Variants in LARGE1 observed in about 807,000 individuals in gnomAD.
The protein encoded by LARGE1 is LARGE xylosyl- and glucuronyltransferase 1, also known as xylosyl- and glucuronyltransferase LARGE1.
Under a neutral mutation model 87.6 loss-of-function variants are expected in LARGE1, and 43 were observed. The ratio of observed to expected loss-of-function variants is 0.49; its 90% CI spans 0.38 to 0.63. The LOEUF (loss-of-function observed/expected upper bound fraction) is 0.63, where lower values mean the gene tolerates loss of function less well. Among genes scored for constraint, LARGE1 ranks in the 30% least tolerant of loss-of-function variants. LARGE1 has a pLI of 0.00. For missense variants in LARGE1, 802 were observed against 1,000.2 expected (o/e 0.80, Z 2.67); for synonymous variants, 434 against 394.6 (o/e 1.10, Z -1.18).
chr22:33,400,495 G>A (rs1415920451), intron 7 of LARGE1, among the ~76,000 whole-genome samples: 1 of 152,160 alleles, frequency 6.6e-6, no homozygotes, highest in Non-Finnish European at 1.5e-5. Flanking sequence ...CAGTTTGTTG[G>A]ATGGTATGGA....
intron 11 of LARGE1, among the ~76,000 whole-genome samples, chr22:33,311,324 TAGA>T (rs1289131665): frequency 6.6e-6 from 1 of 152,208 alleles, no homozygotes; most frequent in African/African-American, 2.4e-5. Context: ...CCACTGGCAA[TAGA>T]AGGAGGCACT....
At chr22:33,525,616 G>C (rs1259028872) in intron 6 of LARGE1, among the ~76,000 whole-genome samples, 3 of 151,910 alleles carry the variant, frequency 2.0e-5, no homozygotes, top group African/African-American at 7.3e-5. Context: ...CTGTTCCTAG[G>C]TGACCCGTAA....
At chr22:33,290,717 G>A (rs1932382449) in intron 12 of LARGE1, among the ~76,000 whole-genome samples, 2 of 152,172 alleles carry the variant, frequency 1.3e-5, no homozygotes, top group Admixed American at 6.5e-5. Flanking sequence ...AGTCAAGTAG[G>A]TGGGTGTGAG....
At chr22:33,674,591 C>A (rs924922513) in intron 2 of LARGE1, among the ~76,000 whole-genome samples, 3 of 152,162 alleles carry the variant, frequency 2.0e-5, no homozygotes, top group Non-Finnish European at 4.4e-5. Context: ...TCTCAGTGCC[C>A]CAGGTATGGC....
chr22:33,900,007 G>A (rs1445789493), intron 1 of LARGE1, among the ~76,000 whole-genome samples: 1 of 152,176 alleles, frequency 6.6e-6, no homozygotes, highest in African/African-American at 2.4e-5. Context: ...TTATTAGGAA[G>A]AAACAAAAGA....
the LARGE1 span, among the ~76,000 whole-genome samples, chr22:33,124,180 G>A: frequency 1.6e-4 from 24 of 152,002 alleles, no homozygotes; most frequent in South Asian, 4.4e-3. Flanking sequence ...TCAGCTACTC[G>A]AGCGGCTGAG....
At chr22:33,813,311 G>A (rs2086555639) in intron 1 of LARGE1, among the ~76,000 whole-genome samples, 1 of 150,970 alleles carries the variant, frequency 6.6e-6, no homozygotes, top group Non-Finnish European at 1.5e-5. Context: ...CCCCAGGCAA[G>A]ACTGTCAAGC....
At chr22:33,670,792 C>T (rs984362681) in intron 2 of LARGE1, among the ~76,000 whole-genome samples, 6 of 152,212 alleles carry the variant, frequency 3.9e-5, no homozygotes, top group Admixed American at 6.5e-5. Context: ...CAGGTCCATA[C>T]ATCCCATAAG....
intron 6 of LARGE1, among the ~76,000 whole-genome samples, chr22:33,468,800 C>T (rs1197665084): frequency 3.3e-5 from 5 of 152,138 alleles, no homozygotes; most frequent in Non-Finnish European, 5.9e-5. Context: ...CTGTTATTTT[C>T]ATCACACAAA....
At chr22:33,888,466 T>TAATAAA (rs2064918195) in intron 1 of LARGE1, among the ~76,000 whole-genome samples, 1 of 152,108 alleles carries the variant, frequency 6.6e-6, no homozygotes, top group South Asian at 2.1e-4. Flanking sequence ...ACAACTGTAC[T>TAATAAA]AATAAAGCTC....
At chr22:33,665,749 G>A (rs755172485) in intron 2 of LARGE1, among the ~76,000 whole-genome samples, 4 of 151,980 alleles carry the variant, frequency 2.6e-5, no homozygotes, top group Middle Eastern at 3.2e-3. Context: ...AAACTTAGCC[G>A]GGCATGGTGG....
At chr22:33,527,084 C>T (rs1001146842) in intron 6 of LARGE1, among the ~76,000 whole-genome samples, 7 of 152,128 alleles carry the variant, frequency 4.6e-5, no homozygotes, top group Admixed American at 6.6e-5. Flanking sequence ...TGGAGAAATC[C>T]CATCTTTACT....
chr22:33,738,770 A>G (rs978968209), intron 2 of LARGE1, among the ~76,000 whole-genome samples: 1 of 150,824 alleles, frequency 6.6e-6, no homozygotes, highest in Non-Finnish European at 1.5e-5. Flanking sequence ...GTGTGAACCT[A>G]GGAGGCGGAG....
At chr22:33,413,208 CT>C (rs2147469248) in intron 7 of LARGE1, among the ~76,000 whole-genome samples, 1 of 152,240 alleles carries the variant, frequency 6.6e-6, no homozygotes, top group Non-Finnish European at 1.5e-5. Context: ...TCACTAGTAA[CT>C]GGCAATGTCT....
the LARGE1 span, among the ~76,000 whole-genome samples, chr22:33,122,225 G>T: frequency 6.6e-6 from 1 of 152,126 alleles, no homozygotes; most frequent in African/African-American, 2.4e-5. Context: ...CTGCATTCAA[G>T]ATCTTAGGAA....
At chr22:33,166,767 A>G (rs996474803) in exon 12 of LARGE1, 1 of 471,430 alleles carries the variant, frequency 2.1e-6, no homozygotes, top group African/African-American at 2.0e-5. Context: ...GGACAATTAT[A>G]GGCATGTGTT....
chr22:33,085,145 G>A, the LARGE1 span, among the ~76,000 whole-genome samples: 3 of 152,060 alleles, frequency 2.0e-5, no homozygotes, highest in East Asian at 1.9e-4. Context: ...GTGTGGTGGC[G>A]GGCACCTGTA....
chr22:33,915,442 A>C (rs1038451922), intron 1 of LARGE1, among the ~76,000 whole-genome samples: 1 of 151,482 alleles, frequency 6.6e-6, no homozygotes, highest in African/African-American at 2.4e-5. Context: ...TTTTTTTTTC[A>C]TATTATATCA....
At chr22:33,443,836 C>A (rs1367952726) in intron 6 of LARGE1, among the ~76,000 whole-genome samples, 1 of 152,260 alleles carries the variant, frequency 6.6e-6, no homozygotes. Flanking sequence ...GCTAGGCTCT[C>A]TTCCAAGGCT....
Sources: allele counts gnomAD v4.1 joint callset (sites outside exome capture counted in the v4.1 genomes callset), GRCh38; gene constraint gnomAD v4.1.1; transcripts MANE v1.5; gene names NCBI Gene and HGNC (gene_info 2026-07-23, HGNC 2026-07-21).